CDH9: variants seen among roughly 807,000 people sequenced by gnomAD.
CDH9 encodes cadherin 9.
Under a neutral mutation model 70.9 loss-of-function variants are expected in CDH9, and 28 were observed. The observed-to-expected ratio is 0.40, with a 90% confidence interval of 0.29 to 0.54. The LOEUF (loss-of-function observed/expected upper bound fraction) is 0.54. Among genes scored for constraint, CDH9 ranks in the 20% least tolerant of loss-of-function variants. The probability of loss-of-function intolerance (pLI) is 0.59; values close to 1 mark genes in which losing one functional copy is unlikely to be tolerated. For synonymous variants in CDH9, 409 were observed against 343.1 expected, an observed-to-expected ratio of 1.19 and a Z score of -2.12; for missense variants, 874 against 984.4, an observed-to-expected ratio of 0.89 and a Z score of 1.50.
At chr5:27,031,751 C>T (rs1184945790) in intron 1 of CDH9, among the ~76,000 whole-genome samples, 3 of 151,850 alleles carry the variant, frequency 2.0e-5, no homozygotes, top group South Asian at 2.1e-4. Flanking sequence ...TCAATGTAAA[C>T]GGTTGTGTGA....
At chr5:26,988,801 C>T (rs1467257273) in intron 1 of CDH9, among the ~76,000 whole-genome samples, 3 of 151,994 alleles carry the variant, frequency 2.0e-5, no homozygotes, top group African/African-American at 4.8e-5. Context: ...GAGTACTTCT[C>T]ATAATCCATC....
At chr5:27,006,257 T>G (rs1742864129) in intron 1 of CDH9, among the ~76,000 whole-genome samples, 1 of 152,168 alleles carries the variant, frequency 6.6e-6, no homozygotes, top group African/African-American at 2.4e-5. Flanking sequence ...AATCATCATT[T>G]ATTATTAGAT....
At chr5:26,953,761 A>G (rs528573113) in intron 2 of CDH9, among the ~76,000 whole-genome samples, 3 of 152,268 alleles carry the variant, frequency 2.0e-5, no homozygotes, top group Admixed American at 2.0e-4. Flanking sequence ...AGTGCAAGCC[A>G]CCACTGTTGA....
At chr5:26,922,259 C>T (rs952585818) in intron 2 of CDH9, among the ~76,000 whole-genome samples, 3 of 151,432 alleles carry the variant, frequency 2.0e-5, no homozygotes, top group African/African-American at 4.9e-5. Context: ...CAGATTTAAC[C>T]CAAATAAGAA....
At chr5:26,920,719 C>T (rs75148452) in intron 2 of CDH9, among the ~76,000 whole-genome samples, 2,444 of 152,212 alleles carry the variant, frequency 0.016, 27 homozygotes, top group Middle Eastern at 0.037. Flanking sequence ...GCAGGTAATT[C>T]TCCCAGATCT....
chr5:26,897,669 C>G (rs375495021), intron 7 of CDH9, among the ~76,000 whole-genome samples: 50 of 151,960 alleles, frequency 3.3e-4, no homozygotes, highest in African/African-American at 1.2e-3. Flanking sequence ...GAACGTATCT[C>G]AAAATAGTAA....
chr5:27,036,154 C>G (rs1488228825), intron 1 of CDH9, among the ~76,000 whole-genome samples: 5 of 151,874 alleles, frequency 3.3e-5, no homozygotes, highest in Non-Finnish European at 5.9e-5. Flanking sequence ...CCTCATATCA[C>G]TATTGATGCC....
At chr5:27,016,443 A>G (rs1393645271) in intron 1 of CDH9, among the ~76,000 whole-genome samples, 3 of 151,902 alleles carry the variant, frequency 2.0e-5, no homozygotes, top group Non-Finnish European at 2.9e-5. Context: ...AAATTCAGAA[A>G]GAGAACCCAC....
chr5:26,924,928 C>T (rs555607484), intron 2 of CDH9, among the ~76,000 whole-genome samples: 1 of 152,210 alleles, frequency 6.6e-6, no homozygotes, highest in East Asian at 1.9e-4. Context: ...ATATGTGTCA[C>T]CTTTTTTTAA....
At chr5:26,987,815 A>T (rs2112091224) in intron 2 of CDH9, among the ~76,000 whole-genome samples, 1 of 152,170 alleles carries the variant, frequency 6.6e-6, no homozygotes, top group Admixed American at 6.6e-5. Flanking sequence ...TCTCAAGGAG[A>T]GTTTTATTTA....
At chr5:27,031,388 T>C (rs1014724541) in intron 1 of CDH9, among the ~76,000 whole-genome samples, 2 of 151,914 alleles carry the variant, frequency 1.3e-5, no homozygotes, top group Non-Finnish European at 2.9e-5. Context: ...TGAAGTAGAA[T>C]TTTCAATCTG....
At chr5:26,966,728 C>T (rs925719538) in intron 2 of CDH9, among the ~76,000 whole-genome samples, 1 of 152,118 alleles carries the variant, frequency 6.6e-6, no homozygotes, top group Non-Finnish European at 1.5e-5. Flanking sequence ...CTTGCTTAAG[C>T]TCTGTGATAT....
intron 1 of CDH9, among the ~76,000 whole-genome samples, chr5:26,994,104 T>C (rs1289844307): frequency 1.3e-5 from 2 of 152,190 alleles, no homozygotes; most frequent in African/African-American, 4.8e-5. Flanking sequence ...TATTGTATTT[T>C]GAGAGCACAT....
At chr5:26,899,811 A>G (rs1740820485) in intron 7 of CDH9, among the ~76,000 whole-genome samples, 1 of 151,974 alleles carries the variant, frequency 6.6e-6, no homozygotes, top group South Asian at 2.1e-4. Context: ...TAGCACGTGT[A>G]TATCTATGTA....
intron 2 of CDH9, among the ~76,000 whole-genome samples, chr5:26,959,061 AATAG>A (rs1454209379): frequency 6.6e-6 from 1 of 152,168 alleles, no homozygotes; most frequent in Non-Finnish European, 1.5e-5. Context: ...CAAAAAGATA[AATAG>A]ATAACTTTCA....
At chr5:26,911,590 C>T (rs1423577164) in intron 3 of CDH9, among the ~76,000 whole-genome samples, 1 of 151,274 alleles carries the variant, frequency 6.6e-6, no homozygotes, top group African/African-American at 2.4e-5. Context: ...ATTTACAAAA[C>T]AAAAATTTGC....
chr5:27,012,073 C>G (rs1742968744), intron 1 of CDH9, among the ~76,000 whole-genome samples: 1 of 151,882 alleles, frequency 6.6e-6, no homozygotes, highest in Admixed American at 6.6e-5. Context: ...TCCACAGGGA[C>G]TAGGATCCAC....
chr5:27,026,338 G>A lies in CDH9; in HGVS notation c.-50+12125C>T, dbSNP rs1032145391. On this transcript the variant is annotated intron_variant, in intron 1 of 11. Coordinates refer to ENST00000231021, the MANE Select transcript of CDH9 (RefSeq NM_016279.4). ...TTCTATTCTAACATGAGTAAATTTCGTTAACATACCAGGGCTGTTTCACCT... is the reference window on the plus strand; with the variant it reads ...TTCTATTCTAACATGAGTAAATTTCATTAACATACCAGGGCTGTTTCACCT... Among the ~76,000 whole-genome samples, 4 of 151,770 alleles carry A rather than the reference G, an allele frequency of 2.6e-5. No individual in the cohort carries two copies. The South Asian group carries it at 8.3e-4, about 31-fold the overall frequency.
At chr5:26,987,386 T>C (rs961562084) in intron 2 of CDH9, among the ~76,000 whole-genome samples, 2 of 151,980 alleles carry the variant, frequency 1.3e-5, no homozygotes, top group East Asian at 1.9e-4. Context: ...AAAAGGATGA[T>C]AGATACATAG....
Sources: gnomAD v4.1 joint callset for allele counts (sites outside exome capture counted in the v4.1 genomes callset) on GRCh38, gnomAD v4.1.1 for gene constraint, MANE v1.5 for transcripts, NCBI Gene and HGNC (gene_info 2026-07-23, HGNC 2026-07-21) for gene names.